LRP1B: variants seen among roughly 807,000 people sequenced by gnomAD.
LRP1B encodes the protein LDL receptor related protein 1B.
A neutral mutation model predicts 556.6 loss-of-function variants in LRP1B; 217 were observed. That is an observed-to-expected ratio of 0.39 (90% CI 0.35 to 0.44). The LOEUF (loss-of-function observed/expected upper bound fraction) is 0.44, where lower values mean the gene tolerates loss of function less well. Among genes scored for constraint, LRP1B ranks in the 20% least tolerant of loss-of-function variants. The probability of loss-of-function intolerance (pLI) is 1.00; values close to 1 mark genes in which losing one functional copy is unlikely to be tolerated. For missense variants in LRP1B, 5,053 were observed against 5,620.8 expected, an observed-to-expected ratio of 0.90 and a Z score of 3.23; for synonymous variants, 2,047 against 1,865.8, an observed-to-expected ratio of 1.10 and a Z score of -2.50.
chr2:141,126,549 GT>G (rs928999724), intron 7 of LRP1B, among the ~76,000 whole-genome samples: 2 of 151,920 alleles, frequency 1.3e-5, no homozygotes, highest in Admixed American at 6.6e-5. Context: ...CTTCATTGAA[GT>G]TTTTTTTCTT....
rs1259070231 is a variant in LRP1B at position 141,589,395 on chromosome 2, C to T, written c.206-108862G>A. Among the ~76,000 whole-genome samples the T allele has an allele frequency of 5.3e-5, 8 of 152,170 alleles. No homozygotes were observed. The East Asian group carries it at 1.5e-3, about 29-fold the overall frequency. On this transcript the variant is annotated intron_variant, in intron 2 of 90. Transcript: ENST00000389484. ...TTATAAAAGTTTGTAGGTCTGTTTG[C>T]CTTTATTGTGTTTACCTTTATAGCT... is the stretch of plus-strand genomic sequence containing the variant.
chr2:141,247,132 C>T (rs2105326497), intron 5 of LRP1B, 94 bp downstream of exon 5: 1 of 1,399,212 alleles, frequency 7.1e-7, no homozygotes, highest in East Asian at 2.3e-5. Context: ...CTTCAAAGTC[C>T]ATATTTCTGC....
At chr2:141,748,143 G>A (rs1226657362) in intron 2 of LRP1B, among the ~76,000 whole-genome samples, 7 of 152,226 alleles carry the variant, frequency 4.6e-5, no homozygotes, top group South Asian at 2.1e-4. Context: ...ACATTTTATA[G>A]GCTGAGATAA....
chr2:141,360,499 T>C (rs547766280), intron 3 of LRP1B, among the ~76,000 whole-genome samples: 1 of 152,360 alleles, frequency 6.6e-6, no homozygotes, highest in South Asian at 2.1e-4. Flanking sequence ...TTTTCATCAA[T>C]GTGTGTTTAT....
chr2:141,144,187 T>TAA (rs894960556), intron 7 of LRP1B, among the ~76,000 whole-genome samples: 3 of 152,168 alleles, frequency 2.0e-5, no homozygotes, highest in African/African-American at 7.2e-5. Flanking sequence ...AACCTTACCT[T>TAA]AGAGTTAATA....
At chr2:141,109,853 G>C (rs1170013072) in intron 7 of LRP1B, among the ~76,000 whole-genome samples, 3 of 152,088 alleles carry the variant, frequency 2.0e-5, no homozygotes, top group Non-Finnish European at 2.9e-5. Flanking sequence ...TTTGATAGTG[G>C]CTGAGGGCCT....
At chr2:140,621,485 T>A (rs181115201) in intron 41 of LRP1B, among the ~76,000 whole-genome samples, 3 of 152,058 alleles carry the variant, frequency 2.0e-5, no homozygotes, top group East Asian at 1.9e-4. Context: ...ACATTTTTTT[T>A]AATTGACACA....
chr2:141,652,070 A>G (rs1180699514), intron 2 of LRP1B, among the ~76,000 whole-genome samples: 2 of 152,222 alleles, frequency 1.3e-5, no homozygotes, highest in African/African-American at 4.8e-5. Context: ...TGATCATAAC[A>G]CACAACTTCC....
At chr2:141,733,275 CT>C (rs1693346520) in intron 2 of LRP1B, among the ~76,000 whole-genome samples, 1 of 152,090 alleles carries the variant, frequency 6.6e-6, no homozygotes, top group Non-Finnish European at 1.5e-5. Context: ...TGAATTAAAT[CT>C]TTTGTTTTGA....
In LRP1B at chr2:141,217,011, T is replaced by G. The variant is rs959972752; in HGVS notation, c.850+12172A>C. Among the ~76,000 whole-genome samples, 3 of 152,272 alleles carry G rather than the reference T, an allele frequency of 2.0e-5. 1 individual carries two copies. Among genetic ancestry groups the G allele is most frequent in the African/African-American group, 7.2e-5 (3 of 41,560 alleles). ...GGAATGAGGTCAGACTTTGGGGGAT[T>G]GTTGGGAAGGCATAATCGTATTTTG... On this transcript the variant is annotated intron_variant, in intron 6 of 90. Transcript: ENST00000389484.
At chr2:141,719,636 C>T (rs1692743628) in intron 2 of LRP1B, among the ~76,000 whole-genome samples, 1 of 151,954 alleles carries the variant, frequency 6.6e-6, no homozygotes, top group South Asian at 2.1e-4. Context: ...TATCCACCAA[C>T]AATGCATTGG....
chr2:140,447,507 T>C (rs1471388480), intron 63 of LRP1B, among the ~76,000 whole-genome samples: 1 of 152,112 alleles, frequency 6.6e-6, no homozygotes, highest in Admixed American at 6.6e-5. Context: ...AAATAAGAGT[T>C]AGGTAGGGCC....
At chr2:141,949,170 T>C (rs1701039534) in intron 1 of LRP1B, among the ~76,000 whole-genome samples, 1 of 152,136 alleles carries the variant, frequency 6.6e-6, no homozygotes, top group Non-Finnish European at 1.5e-5. Flanking sequence ...GGTATCTAAG[T>C]ATCCAATGAC....
At chr2:141,852,580 T>C (rs891339017) in intron 1 of LRP1B, among the ~76,000 whole-genome samples, 3 of 151,624 alleles carry the variant, frequency 2.0e-5, no homozygotes, top group Non-Finnish European at 4.4e-5. Context: ...AAGTAAATAA[T>C]TTTAGCAATG....
At position 141,810,107 on chromosome 2, in the gene LRP1B, GAAAGAA is replaced by G. The variant is rs1398320777; in HGVS notation, c.205+166_205+171del. 3.0e-3 allele frequency among the ~76,000 whole-genome samples: 379 copies of G among 127,076 alleles called. 4 individuals carry two copies. The highest frequency in any genetic ancestry group is 0.01 in the African/African-American group (364 of 36,110). The allele number at this position is 127,076 out of a possible 152,430, so 83.4% of individuals were successfully genotyped here. A position where few individuals can be genotyped will look rare whatever the true frequency, so the allele number is the denominator to read the frequency against. On this transcript the variant is annotated intron_variant, in intron 2 of 90. Transcript: ENST00000389484. The stretch of plus-strand genomic sequence containing the variant: ...AGGCTATTTGGAAAAAAGAAAGAAA[GAAAGAA>G]AAAGAAAGAAAGAAAGAAAGAAAGA...
intron 1 of LRP1B, among the ~76,000 whole-genome samples, chr2:141,869,076 T>C (rs1698499760): frequency 6.6e-6 from 1 of 152,070 alleles, no homozygotes; most frequent in Non-Finnish European, 1.5e-5. Flanking sequence ...TAATCAAATA[T>C]AGATGAAAAA....
At chr2:140,919,329 C>T (rs1694671099) in intron 21 of LRP1B, among the ~76,000 whole-genome samples, 1 of 151,852 alleles carries the variant, frequency 6.6e-6, no homozygotes, top group African/African-American at 2.4e-5. Context: ...AGATTCTATC[C>T]TAAAACAATA....
chr2:141,945,278 C>A (rs1411545694), intron 1 of LRP1B, among the ~76,000 whole-genome samples: 1 of 152,052 alleles, frequency 6.6e-6, no homozygotes, highest in Admixed American at 6.6e-5. Context: ...CTAATGTCCT[C>A]ATGGATAATG....
intron 66 of LRP1B, among the ~76,000 whole-genome samples, chr2:140,399,021 T>A (rs1684377143): frequency 6.6e-6 from 1 of 152,120 alleles, no homozygotes; most frequent in African/African-American, 2.4e-5. Flanking sequence ...CAGTTGAGAA[T>A]AATAAAATAA....
Sources: gnomAD v4.1 joint callset for allele counts (sites outside exome capture counted in the v4.1 genomes callset) on GRCh38, gnomAD v4.1.1 for gene constraint, MANE v1.5 for transcripts, NCBI Gene and HGNC (gene_info 2026-07-23, HGNC 2026-07-21) for gene names.